The following ERI3 variants were observed in gnomAD, a reference collection of about 807,000 sequenced individuals.
ERI3 encodes the protein ERI1 exoribonuclease family member 3, also known as ERI1 exoribonuclease 3.
In ERI3, 18 loss-of-function variants were observed where a neutral mutation model predicts 44.4. The ratio of observed to expected loss-of-function variants is 0.41; its 90% confidence interval spans 0.28 to 0.60. The LOEUF (loss-of-function observed/expected upper bound fraction) is 0.60, where lower values mean the gene tolerates loss of function less well. Among genes scored for constraint, ERI3 ranks in the 20% least tolerant of loss-of-function variants. The pLI is 0.36. For missense variants in ERI3, 294 were observed against 435.5 expected (o/e 0.68, Z 2.89); for synonymous variants, 183 against 164.8 (o/e 1.11, Z -0.84).
chr1:44,342,840 T>TATAA (rs1646699765), intron 2 of ERI3, among the ~76,000 whole-genome samples: 2 of 30,628 alleles, frequency 6.5e-5, no homozygotes, highest in African/African-American at 3.0e-4. Flanking sequence ...TATATATATA[T>TATAA]ATATATATAT....
chr1:44,305,809 A>G (rs960264370), intron 6 of ERI3, among the ~76,000 whole-genome samples: 4 of 152,226 alleles, frequency 2.6e-5, no homozygotes, highest in Admixed American at 6.5e-5. Flanking sequence ...TCCGGAAACT[A>G]GAGTGTGAAA....
chr1:44,312,518 G>C (rs1433240675), intron 5 of ERI3, among the ~76,000 whole-genome samples: 1 of 152,060 alleles, frequency 6.6e-6, no homozygotes, highest in Non-Finnish European at 1.5e-5. Context: ...AGCTCCCCGA[G>C]GAGAACATCC....
intron 6 of ERI3, among the ~76,000 whole-genome samples, chr1:44,288,444 G>C (rs1366023247): frequency 6.6e-6 from 1 of 152,166 alleles, no homozygotes; most frequent in Non-Finnish European, 1.5e-5. Flanking sequence ...GCCAGAACTT[G>C]AGCTTGCAAG....
rs773605425 is a variant in ERI3, at chr1:44,221,639, G to A, written c.933C>T (p.Asp311=). 8.1e-6 allele frequency: 13 copies of A among 1,613,164 alleles called. No individual in the cohort carries two copies. Among genetic ancestry groups the A allele is most frequent in the Non-Finnish European group, 1.1e-5 (13 of 1,179,358 alleles). Residue 311 remains aspartate, a splice_region_variant and synonymous_variant, in exon 9 of 9, where the codon GAC becomes GAT. Coordinates refer to ENST00000372257, the MANE Select transcript of ERI3 (RefSeq NM_024066.3). The surrounding 1 kb of genome is among the most constrained non-coding windows in gnomAD (Gnocchi z 5.9). ...TGATGTTGGCAATGTTCTTGCAGTCGTCTAAAAAGGAGAGAAGACATTTAG... is the reference window on the plus strand; with the variant it reads ...TGATGTTGGCAATGTTCTTGCAGTCATCTAAAAAGGAGAGAAGACATTTAG... The part of the protein sequence containing the change: ...QHIGRPHSGI[D]DCKNIANIMK...
chr1:44,269,389 G>C (rs1001281759), intron 7 of ERI3, among the ~76,000 whole-genome samples: 3 of 152,098 alleles, frequency 2.0e-5, no homozygotes, highest in African/African-American at 4.8e-5. Context: ...CAAGGACAAG[G>C]GCCTCATCTG....
At chr1:44,224,479 CCA>C (rs777073731) in intron 8 of ERI3, among the ~76,000 whole-genome samples, 2 of 152,226 alleles carry the variant, frequency 1.3e-5, no homozygotes, top group Non-Finnish European at 2.9e-5. Context: ...TGGCTGCATA[CCA>C]CACAGCAAGG....
At chr1:44,249,365 C>T (rs574268322) in intron 7 of ERI3, among the ~76,000 whole-genome samples, 3 of 152,254 alleles carry the variant, frequency 2.0e-5, no homozygotes, top group African/African-American at 7.2e-5. Context: ...AGGTCTCCAT[C>T]CCACTAACAC....
At chr1:44,330,702 T>C (rs1344437762) in intron 3 of ERI3, among the ~76,000 whole-genome samples, 1 of 152,226 alleles carries the variant, frequency 6.6e-6, no homozygotes, top group Non-Finnish European at 1.5e-5. Context: ...TTTTAGGCTA[T>C]GGCTCAATTT....
intron 2 of ERI3, among the ~76,000 whole-genome samples, chr1:44,343,930 G>GT (rs986055344): frequency 1.9e-4 from 29 of 151,900 alleles, no homozygotes; most frequent in Non-Finnish European, 7.4e-5. Context: ...TGTTTCAAAC[G>GT]TTTTTTTAAA....
At chr1:44,248,117 C>T (rs914534195) in intron 7 of ERI3, 79 bp from the exon 8 acceptor site, 2 of 915,336 alleles carry the variant, frequency 2.2e-6, no homozygotes, top group African/African-American at 1.7e-5. Context: ...TCCCCCCACC[C>T]CCCAAATCTT....
chr1:44,342,619 G>A (rs925663014), intron 2 of ERI3, among the ~76,000 whole-genome samples: 1 of 149,634 alleles, frequency 6.7e-6, no homozygotes, highest in African/African-American at 2.5e-5. Context: ...AGTAACAATG[G>A]CAATGAGCAC....
chr1:44,353,604 G>T (rs1380074462), intron 1 of ERI3: 2 of 985,266 alleles, frequency 2.0e-6, no homozygotes, highest in African/African-American at 3.5e-5. Context: ...GATCCCCTGG[G>T]AAAAGGCCAC....
chr1:44,223,889 G>C (rs919843871), intron 8 of ERI3, among the ~76,000 whole-genome samples: 34 of 152,146 alleles, frequency 2.2e-4, no homozygotes, highest in African/African-American at 7.5e-4. Context: ...CTCCAGCCTG[G>C]ACAGCTCATA....
chr1:44,269,471 C>T (rs1433487374), intron 7 of ERI3, among the ~76,000 whole-genome samples: 2 of 152,186 alleles, frequency 1.3e-5, no homozygotes, highest in East Asian at 3.8e-4. Flanking sequence ...CATTTGTGGG[C>T]CCGTGCACAC....
In ERI3 at chr1:44,235,712, C is replaced by T. The variant is rs1028824661; in HGVS notation, c.931+12227G>A. Among the ~76,000 whole-genome samples the T allele has an allele frequency of 1.3e-5, 2 of 152,208 alleles. No homozygotes were observed. The highest frequency in any genetic ancestry group is 6.5e-5 in the Admixed American group (1 of 15,286). On this transcript the variant is annotated intron_variant, in intron 8 of 8. Transcript: ENST00000372257. This position sits in a 1 kb window ranked among gnomAD's most constrained non-coding sequence, Gnocchi z 4.6. The stretch of plus-strand genomic sequence containing the variant: ...AAGGTTTCAGGCCCTTCCCCACCTC[C>T]GTTCCCTTCTAGCATCTTGGTTTCC...
Position 44,221,748 on chromosome 1 carries a change from C to T in ERI3, c.932-108G>A, listed in dbSNP as rs1643902115. On this transcript the variant is annotated intron_variant, in intron 8 of 8. Coordinates refer to ENST00000372257, the MANE Select transcript of ERI3 (RefSeq NM_024066.3). This position sits in a 1 kb window ranked among gnomAD's most constrained non-coding sequence, Gnocchi z 5.9. ...GAAGCAGGGTCAGATTCAGGAGACA[C>T]AGGCTTTAGAGAGGGTGGTCCCATC... 5 of 874,914 alleles carry T rather than the reference C, an allele frequency of 5.7e-6. No individual in the cohort carries two copies. Among genetic ancestry groups the T allele is most frequent in the Non-Finnish European group, 5.6e-6 (3 of 536,340 alleles). 54.2% of individuals were successfully genotyped at this position (874,914 alleles called of 1,614,324 possible). A position where few individuals can be genotyped will look rare whatever the true frequency, so the allele number is the denominator to read the frequency against.
At chr1:44,315,931 T>G (rs1220222817) in intron 4 of ERI3, among the ~76,000 whole-genome samples, 1 of 151,634 alleles carries the variant, frequency 6.6e-6, no homozygotes, top group Non-Finnish European at 1.5e-5. Context: ...GCAGGAGGAC[T>G]GCTTGAGCCC....
At chr1:44,339,783 T>C (rs1315017711) in intron 2 of ERI3, among the ~76,000 whole-genome samples, 1 of 152,222 alleles carries the variant, frequency 6.6e-6, no homozygotes, top group Non-Finnish European at 1.5e-5. Context: ...TCCAAGGTTC[T>C]TTTCTCAGCT....
chr1:44,268,940 G>A (rs747529475), intron 7 of ERI3, among the ~76,000 whole-genome samples: 9 of 152,166 alleles, frequency 5.9e-5, no homozygotes, highest in Admixed American at 1.3e-4. Flanking sequence ...GTCCAAGCCA[G>A]CCCAAAATGT....
Sources: allele counts gnomAD v4.1 joint callset (sites outside exome capture counted in the v4.1 genomes callset), GRCh38; gene constraint gnomAD v4.1.1; non-coding constraint Gnocchi (gnomAD v3.1); transcripts MANE v1.5; gene names NCBI Gene and HGNC (gene_info 2026-07-23, HGNC 2026-07-21).